The following ROR2 variants were observed in gnomAD, a reference collection of about 807,000 sequenced individuals.
ROR2 encodes tyrosine-protein kinase transmembrane receptor ROR2.
ROR2 carries 33 observed loss-of-function variants against 74.9 expected under a neutral mutation model. The ratio of observed to expected loss-of-function variants is 0.44; its 90% CI spans 0.33 to 0.59. The LOEUF (loss-of-function observed/expected upper bound fraction) is 0.59. ROR2 is among the 20% of genes least tolerant of loss of function. The probability of loss-of-function intolerance (pLI) is 0.02; values close to 1 mark genes in which losing one functional copy is unlikely to be tolerated. For missense variants in ROR2, 1,216 were observed against 1,313.8 expected, an observed-to-expected ratio of 0.93 and a Z score of 1.15; for synonymous variants, 586 against 558.7, an observed-to-expected ratio of 1.05 and a Z score of -0.69.
At chr9:91,736,618 T>C (rs1428239212) in intron 5 of ROR2, among the ~76,000 whole-genome samples, 1 of 152,092 alleles carries the variant, frequency 6.6e-6, no homozygotes, top group Non-Finnish European at 1.5e-5. Flanking sequence ...GTGGAGAGAG[T>C]AGAGACAGCA....
chr9:91,925,214 G>A (rs1444569505), intron 1 of ROR2, among the ~76,000 whole-genome samples: 3 of 152,114 alleles, frequency 2.0e-5, no homozygotes, highest in African/African-American at 4.8e-5. Flanking sequence ...AGACACCACT[G>A]AGAGAACCAT....
chr9:91,792,354 T>C lies in ROR2; in HGVS notation c.98-16536A>G, dbSNP rs371270221. Among the ~76,000 whole-genome samples, 367 of 137,514 alleles carry C rather than the reference T, an allele frequency of 2.7e-3. 3 individuals are homozygous for C. In the East Asian group the frequency reaches 0.033, roughly 12 times the overall value. 90.2% of individuals were successfully genotyped at this position (137,514 alleles called of 152,430 possible). On this transcript the variant is annotated intron_variant, in intron 1 of 8. Transcript: ENST00000375708. ...ACGGAGTCTCGCTCTGTCGCCCAGG[T>C]TGGAGTGCAGTAGTGCAATCTCAGC...
chr9:91,927,260 T>C (rs928571191), intron 1 of ROR2, among the ~76,000 whole-genome samples: 5 of 152,198 alleles, frequency 3.3e-5, no homozygotes, highest in African/African-American at 7.2e-5. Flanking sequence ...ACCAGGATCT[T>C]AAGGTCACTT....
chr9:91,753,227 T>C (rs1825643824), intron 4 of ROR2, among the ~76,000 whole-genome samples: 1 of 152,082 alleles, frequency 6.6e-6, no homozygotes, highest in African/African-American at 2.4e-5. Flanking sequence ...GATCAAGAAA[T>C]AAGACATAAA....
At chr9:91,780,469 CATCTTGATTTATGGCATCAACA>C (rs1258791750) in intron 1 of ROR2, among the ~76,000 whole-genome samples, 1 of 152,064 alleles carries the variant, frequency 6.6e-6, no homozygotes, top group Non-Finnish European at 1.5e-5. Flanking sequence ...TCTGATGTGA[CATCTTGATTTATGGCATCAACA>C]AGATAAGATT....
chr9:91,815,457 C>T (rs1827897046), intron 1 of ROR2, among the ~76,000 whole-genome samples: 2 of 152,078 alleles, frequency 1.3e-5, no homozygotes, highest in Non-Finnish European at 2.9e-5. Context: ...AAAAAAGGTG[C>T]TTAAAAGAGA....
intron 2 of ROR2, among the ~76,000 whole-genome samples, chr9:91,774,289 C>A (rs749174926): frequency 1.3e-5 from 2 of 152,170 alleles, no homozygotes; most frequent in Admixed American, 1.3e-4. Flanking sequence ...GGCAGAGCTC[C>A]ACCTGCTCTT....
At chr9:91,742,396 C>T (rs933515749) in intron 4 of ROR2, among the ~76,000 whole-genome samples, 7 of 152,136 alleles carry the variant, frequency 4.6e-5, no homozygotes, top group Admixed American at 6.5e-5. Context: ...ACAGCCAAAC[C>T]GTATCACAGG....
chr9:91,883,255 T>C (rs1372157337), intron 1 of ROR2: 1 of 152,190 alleles, frequency 6.6e-6, no homozygotes, highest in African/African-American at 2.4e-5. Flanking sequence ...GGACCATCAC[T>C]ACCTTGGAAG....
chr9:91,821,184 T>A (rs1828128321), intron 1 of ROR2, among the ~76,000 whole-genome samples: 2 of 151,180 alleles, frequency 1.3e-5, no homozygotes, highest in Non-Finnish European at 1.5e-5. Context: ...GAAGACAGCA[T>A]CTGCAATCCA....
At chr9:91,820,793 C>A (rs1254880826) in intron 1 of ROR2, among the ~76,000 whole-genome samples, 1 of 152,128 alleles carries the variant, frequency 6.6e-6, no homozygotes, top group Non-Finnish European at 1.5e-5. Context: ...CACTATGACC[C>A]ATGGCTTTAT....
intron 1 of ROR2, among the ~76,000 whole-genome samples, chr9:91,849,859 A>T (rs1021851358): frequency 2.0e-5 from 3 of 152,196 alleles, no homozygotes; most frequent in African/African-American, 7.2e-5. Flanking sequence ...TAGCATCACT[A>T]TCTGCATGCT....
intron 1 of ROR2, among the ~76,000 whole-genome samples, chr9:91,901,509 G>A (rs143598689): frequency 6.6e-6 from 1 of 152,174 alleles, no homozygotes; most frequent in African/African-American, 2.4e-5. Flanking sequence ...GCCTTCTACA[G>A]GGGGTTAAAA....
intron 2 of ROR2, among the ~76,000 whole-genome samples, chr9:91,762,433 ATCTTTT>A (rs1825941612): frequency 6.6e-6 from 1 of 152,192 alleles, no homozygotes; most frequent in Non-Finnish European, 1.5e-5. Context: ...TATCTCCCAT[ATCTTTT>A]TGCCTAATTG....
chr9:91,808,361 G>A (rs1277540652), intron 1 of ROR2, among the ~76,000 whole-genome samples: 4 of 152,220 alleles, frequency 2.6e-5, no homozygotes, highest in African/African-American at 7.2e-5. Flanking sequence ...TTGGCCAGGC[G>A]AGGTGGCTGA....
chr9:91,784,216 C>T (rs1826719948), intron 1 of ROR2, among the ~76,000 whole-genome samples: 1 of 152,184 alleles, frequency 6.6e-6, no homozygotes, highest in African/African-American at 2.4e-5. Flanking sequence ...GGCTGGAGTT[C>T]GTCTTGACTC....
In ROR2 at chr9:91,730,968, G is replaced by A. The variant is rs771700497; in HGVS notation, c.1125C>T (p.Pro375=). 1 of 1,614,178 alleles carries A rather than the reference G, an allele frequency of 6.2e-7. No homozygotes were observed. Among genetic ancestry groups the A allele is most frequent in the Non-Finnish European group, 8.5e-7 (1 of 1,180,040 alleles). The change falls in exon 7 of 9, where the codon CCC becomes CCT. Residue 375 remains proline (P), a synonymous_variant. Transcript: ENST00000375708. ...CGTTTTTATTCTGCGTAAAGCACCA[G>A]GGGCCCTCCATCTGGCCTCCGGGGT... ...CRNPGGQMEG[P]WCFTQNKNVR... is the part of the protein sequence containing the mutation.
chr9:91,774,816 T>C (rs904334125), intron 2 of ROR2, among the ~76,000 whole-genome samples: 2 of 152,206 alleles, frequency 1.3e-5, no homozygotes, highest in African/African-American at 4.8e-5. Flanking sequence ...GGTCTGGGCA[T>C]CCTTTTCCTG....
chr9:91,802,242 T>A (rs1022030242), intron 1 of ROR2, among the ~76,000 whole-genome samples: 10 of 124,594 alleles, frequency 8.0e-5, no homozygotes, highest in African/African-American at 3.7e-4. Flanking sequence ...CCCGGCTAAC[T>A]TTTTTTTGTA....
Sources: allele counts gnomAD v4.1 joint callset (sites outside exome capture counted in the v4.1 genomes callset), GRCh38; gene constraint gnomAD v4.1.1; transcripts MANE v1.5; gene names NCBI Gene and HGNC (gene_info 2026-07-23, HGNC 2026-07-21).